VMP1: variants seen among roughly 807,000 people sequenced by gnomAD.
VMP1 encodes the protein ectopic P-granules autophagy protein 3 homolog.
VMP1 carries 11 observed loss-of-function variants against 56.0 expected under a neutral mutation model. The observed-to-expected ratio is 0.20, with a 90% CI of 0.12 to 0.32. The LOEUF is 0.32. Ranked by LOEUF, VMP1 falls within the 10% of genes least tolerant of loss-of-function variation. VMP1 has a pLI of 1.00. For missense variants in VMP1, 296 were observed against 490.3 expected (o/e 0.60, Z 3.74); for synonymous variants, 149 against 165.0 (o/e 0.90, Z 0.74).
In VMP1 at chr17:59,807,526, T is replaced by G. The variant is rs560927037; in HGVS notation, c.715-1270T>G. Among the ~76,000 whole-genome samples the G allele has an allele frequency of 7.2e-5, 11 of 152,038 alleles. No individual in the cohort carries two copies. In the South Asian group the frequency reaches 2.3e-3, roughly 32 times the overall value. On this transcript the variant is annotated intron_variant, in intron 7 of 11. Transcript: ENST00000262291. ...CTGTCCACCTTCTATATTCTCTTTA[T>G]TGTCTTTTAGAAAGTTGAACTAAAG...
chr17:59,749,235 G>A (rs946785647), intron 5 of VMP1, among the ~76,000 whole-genome samples: 1 of 151,920 alleles, frequency 6.6e-6, no homozygotes, highest in Non-Finnish European at 1.5e-5. Context: ...GGGATTACGG[G>A]CGTGAGCCAC....
chr17:59,736,378 G>A (rs993794251), intron 3 of VMP1, among the ~76,000 whole-genome samples: 5 of 146,082 alleles, frequency 3.4e-5, no homozygotes, highest in African/African-American at 1.3e-4. Flanking sequence ...ACTCCAGCCT[G>A]GGCAACAGAA....
Position 59,773,738 on chromosome 17 carries a change from T to C in VMP1, c.583-16T>C. On this transcript the variant is annotated splice_polypyrimidine_tract_variant and intron_variant, in intron 6 of 11. Transcript: ENST00000262291. ...ATAACAGAACCTCATTGTAAGTATTTTGGTTTTTCACCTAGGGTATCGGTA... is the reference window on the plus strand; with the variant it reads ...ATAACAGAACCTCATTGTAAGTATTCTGGTTTTTCACCTAGGGTATCGGTA... The C allele has an allele frequency of 1.9e-6, 3 of 1,585,606 alleles. No homozygotes were observed. Among genetic ancestry groups the C allele is most frequent in the Admixed American group, 1.9e-5 (1 of 53,976 alleles).
chr17:59,739,258 T>G (rs188542261), intron 5 of VMP1, among the ~76,000 whole-genome samples: 1 of 152,262 alleles, frequency 6.6e-6, no homozygotes, highest in Non-Finnish European at 1.5e-5. Flanking sequence ...TTTTAATAAA[T>G]GAAGTCCATT....
chr17:59,710,114 G>A (rs1033659875), intron 1 of VMP1, among the ~76,000 whole-genome samples: 1 of 151,964 alleles, frequency 6.6e-6, no homozygotes, highest in African/African-American at 2.4e-5. Flanking sequence ...GGAGAATGGC[G>A]CGAACCCAGG....
chr17:59,711,268 A>G (rs2033921983), intron 1 of VMP1, among the ~76,000 whole-genome samples: 1 of 151,602 alleles, frequency 6.6e-6, no homozygotes, highest in Non-Finnish European at 1.5e-5. Context: ...AATTCTTTGC[A>G]TTGTTGGGTA....
intron 6 of VMP1, among the ~76,000 whole-genome samples, chr17:59,769,825 T>C (rs1476372341): frequency 3.3e-5 from 5 of 152,200 alleles, no homozygotes; most frequent in Non-Finnish European, 7.4e-5. Context: ...TATAAACAAA[T>C]GTAAAGAATT....
chr17:59,828,448 A>G (rs942799633), intron 10 of VMP1, among the ~76,000 whole-genome samples: 2 of 152,248 alleles, frequency 1.3e-5, no homozygotes, highest in African/African-American at 4.8e-5. Context: ...ACAGCCAGAA[A>G]GAAACCCATG....
chr17:59,738,953 A>C lies in VMP1; in HGVS notation c.414+6A>C. ...ACACCTTTCTGCTTTATCTGGTAAG[A>C]ATAATTTTATTTTAATAAGCAAAAA... On this transcript the variant is annotated splice_donor_region_variant and intron_variant, in intron 5 of 11. Coordinates refer to ENST00000262291, the MANE Select transcript of VMP1 (RefSeq NM_030938.5). 3.2e-6 allele frequency: 5 copies of C among 1,564,764 alleles called. No homozygotes were observed. Among genetic ancestry groups the C allele is most frequent in the Non-Finnish European group, 4.3e-6 (5 of 1,161,026 alleles).
chr17:59,743,567 T>G (rs1475205686), intron 5 of VMP1, among the ~76,000 whole-genome samples: 15 of 141,058 alleles, frequency 1.1e-4, no homozygotes, highest in Non-Finnish European at 2.2e-4. Context: ...CTGCTCTCTC[T>G]CTCTCTCTCT....
intron 10 of VMP1, chr17:59,838,079 T>A: frequency 3.0e-6 from 1 of 338,562 alleles, no homozygotes; most frequent in Non-Finnish European, 5.5e-6. Context: ...TTTTAAGGGG[T>A]TGTTAGATGG....
intron 1 of VMP1, among the ~76,000 whole-genome samples, chr17:59,716,160 A>G (rs929266197): frequency 1.3e-5 from 2 of 152,176 alleles, no homozygotes; most frequent in Non-Finnish European, 2.9e-5. Flanking sequence ...AATAGAGGAT[A>G]TAAATGTCAG....
Position 59,792,941 on chromosome 17 carries a change from T to A in VMP1, c.715-15855T>A, listed in dbSNP as rs566594271. Among the ~76,000 whole-genome samples the A allele has an allele frequency of 4.6e-5, 3 of 65,416 alleles. 1 individual carries two copies. The East Asian group carries it at 1.3e-3, about 27-fold the overall frequency. 42.9% of individuals were successfully genotyped at this position (65,416 alleles called of 152,430 possible). On this transcript the variant is annotated intron_variant, in intron 7 of 11. Transcript: ENST00000262291. ...GGCTTATGCCTGTAATTCCAGCACT[T>A]TGGGAGGCTGAGGTGGAAGGATCAC...
intron 7 of VMP1, among the ~76,000 whole-genome samples, chr17:59,786,140 T>G (rs1442333340): frequency 6.6e-6 from 1 of 152,234 alleles, no homozygotes; most frequent in Non-Finnish European, 1.5e-5. Context: ...GTTCTCATTC[T>G]TATGGCCAAT....
At chr17:59,831,772 A>T (rs7209665) in intron 10 of VMP1, among the ~76,000 whole-genome samples, 2,179 of 135,802 alleles carry the variant, frequency 0.016, 47 homozygotes, top group African/African-American at 0.057. Context: ...TTCTTTAAAT[A>T]AAAAAAAAAA....
At chr17:59,744,112 GAAT>G (rs2035329999) in intron 5 of VMP1, among the ~76,000 whole-genome samples, 1 of 149,908 alleles carries the variant, frequency 6.7e-6, no homozygotes, top group Non-Finnish European at 1.5e-5. Flanking sequence ...TTTAAATCAT[GAAT>G]CTGTTGGATT....
At chr17:59,806,229 A>G (rs1217209779) in intron 7 of VMP1, among the ~76,000 whole-genome samples, 1 of 152,172 alleles carries the variant, frequency 6.6e-6, no homozygotes, top group African/African-American at 2.4e-5. Flanking sequence ...ATAAAATGTA[A>G]TAGAAATAGA....
rs773015276 is a variant in VMP1 at position 59,716,987 on chromosome 17, T to A, written c.-27+9239T>A. On this transcript the variant is annotated intron_variant, in intron 1 of 11. Coordinates refer to ENST00000262291, the MANE Select transcript of VMP1 (RefSeq NM_030938.5). Reference sequence around the variant, plus strand: ...TAGTCCTCCAATTTTTATTTTTTTTTATTTTTTTTTGAGACGGGGTCTCGC... The same window carrying A: ...TAGTCCTCCAATTTTTATTTTTTTTAATTTTTTTTTGAGACGGGGTCTCGC... Among the ~76,000 whole-genome samples, 21 of 152,088 alleles carry A rather than the reference T, an allele frequency of 1.4e-4. 2 individuals are homozygous for A. The South Asian group carries it at 1.4e-3, about 10-fold the overall frequency.
At position 59,748,099 on chromosome 17, in the gene VMP1, G is replaced by GGCAGGAGAATGGCGTGAAC. The variant is rs1232537994; in HGVS notation, c.414+9153_414+9171dup. Among the ~76,000 whole-genome samples, 3 of 151,114 alleles carry GGCAGGAGAATGGCGTGAAC rather than the reference G, an allele frequency of 2.0e-5. No homozygotes were observed. In the East Asian group the frequency reaches 5.9e-4, roughly 30 times the overall value. On this transcript the variant is annotated intron_variant, in intron 5 of 11. Transcript: ENST00000262291. ...TAGTCCCAGCTACTCGGCAGGCTGA[G>GGCAGGAGAATGGCGTGAAC]GCAGGAGAATGGCGTGAACCCAGGA...
Sources: gnomAD v4.1 joint callset for allele counts (sites outside exome capture counted in the v4.1 genomes callset) on GRCh38, gnomAD v4.1.1 for gene constraint, MANE v1.5 for transcripts, NCBI Gene and HGNC (gene_info 2026-07-23, HGNC 2026-07-21) for gene names.